Variants in DOCK5 observed in about 807,000 individuals in gnomAD.
DOCK5 encodes the protein dedicator of cytokinesis protein 5.
Under a neutral mutation model 251.8 loss-of-function variants are expected in DOCK5, and 142 were observed. The observed-to-expected ratio is 0.56, with a 90% CI of 0.49 to 0.65. The LOEUF is 0.65. Among genes scored for constraint, DOCK5 ranks in the 30% least tolerant of loss-of-function variants. DOCK5 has a pLI of 0.00. For synonymous variants in DOCK5, 842 were observed against 835.5 expected (o/e 1.01, Z -0.13); for missense variants, 2,111 against 2,312.3 (o/e 0.91, Z 1.79).
chr8:25,390,175 G>A (rs765789453), intron 41 of DOCK5, 31 bp from the exon 42 acceptor site: 1 of 1,554,722 alleles, frequency 6.4e-7, no homozygotes, highest in Non-Finnish European at 8.7e-7. Flanking sequence ...CACGACCCCA[G>A]CCCCTCTCCT....
chr8:25,377,613 G>A (rs576054199), intron 38 of DOCK5, among the ~76,000 whole-genome samples, 189 bp downstream of exon 38: 3 of 152,246 alleles, frequency 2.0e-5, no homozygotes, highest in Admixed American at 6.5e-5. Flanking sequence ...CACAGTTCTG[G>A]GCAACTGGGT....
At chr8:25,359,169 C>G in intron 28 of DOCK5, 108 bp downstream of exon 28, 1 of 889,950 alleles carries the variant, frequency 1.1e-6, no homozygotes, top group South Asian at 1.5e-5. Context: ...CCACGCACCT[C>G]CGGTGCTATG....
chr8:25,373,819 A>G (rs1358481914), intron 36 of DOCK5, among the ~76,000 whole-genome samples, 161 bp downstream of exon 36: 1 of 152,176 alleles, frequency 6.6e-6, no homozygotes, highest in Admixed American at 6.5e-5. Context: ...AACTCTTTAG[A>G]CAGATACATG....
chr8:25,297,765 A>G (rs1804654244), intron 7 of DOCK5, among the ~76,000 whole-genome samples: 1 of 152,196 alleles, frequency 6.6e-6, no homozygotes, highest in Non-Finnish European at 1.5e-5. Context: ...AAAAATTAGA[A>G]TCCATGCATG....
intron 16 of DOCK5, among the ~76,000 whole-genome samples, chr8:25,322,844 G>T (rs575036591): frequency 6.6e-6 from 1 of 152,310 alleles, no homozygotes; most frequent in East Asian, 1.9e-4. Context: ...TTTCAGCCAT[G>T]TTAAGGAGGT....
At chr8:25,298,729 TA>T (rs1197092367) in intron 7 of DOCK5, among the ~76,000 whole-genome samples, 2 of 151,738 alleles carry the variant, frequency 1.3e-5, no homozygotes, top group Non-Finnish European at 2.9e-5. Flanking sequence ...CACAGCTAAT[TA>T]AAAAAAAATT....
intron 26 of DOCK5, chr8:25,351,347 C>T (rs987737255): frequency 1.2e-5 from 2 of 168,908 alleles, no homozygotes; most frequent in Admixed American, 5.8e-5. Context: ...CGTGAGCCAC[C>T]GCACCTGGCC....
At chr8:25,222,830 C>T (rs1802429997) in intron 1 of DOCK5, among the ~76,000 whole-genome samples, 1 of 152,172 alleles carries the variant, frequency 6.6e-6, no homozygotes, top group African/African-American at 2.4e-5. Context: ...TCCCATCATC[C>T]AGTGAGGACA....
intron 5 of DOCK5, among the ~76,000 whole-genome samples, chr8:25,291,042 A>G (rs1804472814): frequency 6.6e-6 from 1 of 152,234 alleles, no homozygotes; most frequent in African/African-American, 2.4e-5. Context: ...GTGACTTTGC[A>G]TGGAAGGGAA....
intron 1 of DOCK5, among the ~76,000 whole-genome samples, chr8:25,197,565 G>A (rs1430460014): frequency 4.4e-5 from 1 of 22,782 alleles, no homozygotes; most frequent in African/African-American, 6.7e-5. Flanking sequence ...TTTAAGGATC[G>A]TGTCTTTGTC....
intron 27 of DOCK5, among the ~76,000 whole-genome samples, chr8:25,355,736 C>A (rs1038563372): frequency 6.6e-6 from 1 of 152,176 alleles, no homozygotes; most frequent in African/African-American, 2.4e-5. Flanking sequence ...AGGCATGAGC[C>A]ACTGCACCCA....
intron 6 of DOCK5, among the ~76,000 whole-genome samples, chr8:25,295,010 A>C (rs1804583243): frequency 6.6e-6 from 1 of 152,182 alleles, no homozygotes; most frequent in Non-Finnish European, 1.5e-5. Context: ...CCCACTTCCA[A>C]CATTGGGGTG....
At position 25,188,863 on chromosome 8, in the gene DOCK5, A is replaced by G. The variant is rs540275352; in HGVS notation, c.43+3912A>G. 3.3e-4 allele frequency among the ~76,000 whole-genome samples: 50 copies of G among 152,156 alleles called. 1 individual carries two copies. In the South Asian group the frequency reaches 5.6e-3, roughly 17 times the overall value. On this transcript the variant is annotated intron_variant, in intron 1 of 51. Transcript: ENST00000276440. Reference sequence around the variant, plus strand: ...TTCTCTCTCTTTTTTCTGTTTGAGCATATGAAGATATAAAACACTTTTAAG... The same window carrying G: ...TTCTCTCTCTTTTTTCTGTTTGAGCGTATGAAGATATAAAACACTTTTAAG...
chr8:25,190,775 G>GATTTTTTTTTTTTTTTTTTTTTTT (rs755511798), intron 1 of DOCK5, among the ~76,000 whole-genome samples: 1 of 53,980 alleles, frequency 1.9e-5, no homozygotes, highest in Non-Finnish European at 3.3e-5. Flanking sequence ...CTTGGTCATG[G>GATTTTTTTTTTTTTTTTTTTTTTT]GTTTTTTTTT....
At chr8:25,275,240 G>T in intron 3 of DOCK5, 146 bp from the exon 4 acceptor site, 1 of 578,936 alleles carries the variant, frequency 1.7e-6, no homozygotes, top group Non-Finnish European at 3.0e-6. Context: ...GCCAGTCAAC[G>T]TAAGTGGTGT....
At chr8:25,262,467 T>G (rs1803616257) in intron 2 of DOCK5, among the ~76,000 whole-genome samples, 1 of 152,148 alleles carries the variant, frequency 6.6e-6, no homozygotes. Context: ...CAACTACTCA[T>G]GTGTTTTGTA....
At chr8:25,348,502 C>G (rs939414409) in intron 26 of DOCK5, among the ~76,000 whole-genome samples, 3 of 152,184 alleles carry the variant, frequency 2.0e-5, no homozygotes, top group African/African-American at 7.2e-5. Flanking sequence ...ACCCTACCCC[C>G]AGGAGCCCAC....
At chr8:25,393,263 T>A (rs1281250153) in intron 44 of DOCK5, among the ~76,000 whole-genome samples, 1 of 152,152 alleles carries the variant, frequency 6.6e-6, no homozygotes, top group African/African-American at 2.4e-5. Flanking sequence ...TACCCTAGAC[T>A]CCTCCCTCTT....
chr8:25,411,164 G>A, intron 51 of DOCK5, 30 bp from the exon 52 acceptor site: 1 of 1,516,570 alleles, frequency 6.6e-7, no homozygotes, highest in Non-Finnish European at 8.8e-7. Context: ...GCTAAGACCT[G>A]CTTCTAATTT....
Sources: allele counts gnomAD v4.1 joint callset (sites outside exome capture counted in the v4.1 genomes callset), GRCh38; gene constraint gnomAD v4.1.1; transcripts MANE v1.5; gene names NCBI Gene and HGNC (gene_info 2026-07-23, HGNC 2026-07-21).